FILIP1L: variants seen among roughly 807,000 people sequenced by gnomAD.
The protein encoded by FILIP1L is filamin A interacting protein 1 like.
In FILIP1L, 55 loss-of-function variants were observed where a neutral mutation model predicts 96.6. The ratio of observed to expected loss-of-function variants is 0.57; its 90% CI spans 0.46 to 0.71. The LOEUF is 0.71. Among genes scored for constraint, FILIP1L ranks in the 30% least tolerant of loss-of-function variants. FILIP1L has a pLI of 0.00. For synonymous variants in FILIP1L, 467 were observed against 473.9 expected (o/e 0.99, Z 0.19); for missense variants, 1,304 against 1,321.2 (o/e 0.99, Z 0.20).
At chr3:99,853,931 A>G (rs1302207879) in intron 4 of FILIP1L, among the ~76,000 whole-genome samples, 2 of 152,234 alleles carry the variant, frequency 1.3e-5, no homozygotes, top group Non-Finnish European at 2.9e-5. Context: ...TGAGAGCAGG[A>G]GGCCCTGATG....
intron 1 of FILIP1L, among the ~76,000 whole-genome samples, chr3:100,097,196 C>T (rs2066225050): frequency 6.6e-6 from 1 of 152,216 alleles, no homozygotes. Context: ...ATGAGAAAGA[C>T]TAATTCCAGT....
At chr3:99,909,926 C>G (rs553958868) in intron 4 of FILIP1L, among the ~76,000 whole-genome samples, 3 of 146,240 alleles carry the variant, frequency 2.1e-5, no homozygotes, top group African/African-American at 7.3e-5. Context: ...TCATTGTCAA[C>G]AAGAGCTGTT....
At chr3:100,086,629 A>T (rs970480107) in intron 1 of FILIP1L, among the ~76,000 whole-genome samples, 7 of 152,250 alleles carry the variant, frequency 4.6e-5, no homozygotes, top group African/African-American at 1.7e-4. Context: ...GAATCATTGC[A>T]GCAATTTAGT....
intron 4 of FILIP1L, among the ~76,000 whole-genome samples, chr3:99,853,875 C>T (rs1343828902): frequency 6.6e-6 from 1 of 152,086 alleles, no homozygotes; most frequent in Non-Finnish European, 1.5e-5. Context: ...AAAACTATAC[C>T]CATAGCCATC....
chr3:99,879,278 G>T (rs1008248514), intron 4 of FILIP1L, among the ~76,000 whole-genome samples: 3 of 152,164 alleles, frequency 2.0e-5, no homozygotes, highest in African/African-American at 7.2e-5. Flanking sequence ...ATACCAACTA[G>T]ATTTAGCCAT....
intron 1 of FILIP1L, among the ~76,000 whole-genome samples, chr3:100,098,121 A>G (rs2066242943): frequency 6.6e-6 from 1 of 152,156 alleles, no homozygotes; most frequent in South Asian, 2.1e-4. Flanking sequence ...GTTATTGCCA[A>G]CCCACTGGAG....
intron 5 of FILIP1L, among the ~76,000 whole-genome samples, chr3:99,844,899 T>A (rs1023646781): frequency 6.6e-6 from 1 of 152,222 alleles, no homozygotes; most frequent in Non-Finnish European, 1.5e-5. Flanking sequence ...TTTCTTTGCC[T>A]CCTGCCATGA....
chr3:100,102,922 T>C (rs2066333759), intron 1 of FILIP1L, among the ~76,000 whole-genome samples: 1 of 152,224 alleles, frequency 6.6e-6, no homozygotes, highest in South Asian at 2.1e-4. Context: ...CACTAAGTTC[T>C]GCCAGAGCAT....
chr3:99,991,962 GTATA>G (rs896781734), intron 1 of FILIP1L, among the ~76,000 whole-genome samples: 4 of 147,086 alleles, frequency 2.7e-5, no homozygotes, highest in African/African-American at 1.0e-4. Flanking sequence ...ATATATGTGT[GTATA>G]TATACACACA....
In FILIP1L at chr3:99,983,394, AT is replaced by A. The variant is rs1709193935; in HGVS notation, c.-10-52365del. ...ACTTAAAAAATAAATAAATAAATAT[AT>A]ATATATATATATATATATATATATG... is the stretch of plus-strand genomic sequence containing the variant. On this transcript the variant is annotated intron_variant, in intron 1 of 5. Coordinates refer to ENST00000477258, the MANE Select transcript of FILIP1L (RefSeq NM_001387850.1). 1.7e-3 allele frequency among the ~76,000 whole-genome samples: 141 copies of A among 84,856 alleles called. 1 individual carries two copies. The highest frequency in any genetic ancestry group is 5.4e-3 in the Admixed American group (40 of 7,402). 55.7% of individuals were successfully genotyped at this position (84,856 alleles called of 152,430 possible).
At chr3:100,060,420 A>G (rs6802817) in intron 1 of FILIP1L, among the ~76,000 whole-genome samples, 89,064 of 151,792 alleles carry the variant, frequency 0.59, 26,339 homozygotes, top group East Asian at 0.72. Context: ...CTAGCAAGGT[A>G]GCTTTAAAGT....
chr3:100,077,256 G>A (rs528072869), intron 1 of FILIP1L, among the ~76,000 whole-genome samples: 8 of 152,310 alleles, frequency 5.3e-5, no homozygotes, highest in African/African-American at 1.2e-4. Flanking sequence ...TCTATCTGCC[G>A]TTATCCTGTG....
chr3:100,060,988 T>C (rs1011539781), intron 1 of FILIP1L, among the ~76,000 whole-genome samples: 1 of 152,200 alleles, frequency 6.6e-6, no homozygotes, highest in South Asian at 2.1e-4. Flanking sequence ...CACGAGGTGA[T>C]GAGTTGCAGC....
At chr3:100,070,194 G>A (rs1487158071) in intron 1 of FILIP1L, among the ~76,000 whole-genome samples, 1 of 152,126 alleles carries the variant, frequency 6.6e-6, no homozygotes, top group African/African-American at 2.4e-5. Context: ...CTCCTTTAAT[G>A]TGAGAAACAC....
chr3:99,915,489 T>C (rs185345926), intron 4 of FILIP1L, among the ~76,000 whole-genome samples: 52 of 152,270 alleles, frequency 3.4e-4, no homozygotes, highest in Admixed American at 6.5e-4. Context: ...AGACTTTGGA[T>C]GTACTTAAAA....
At chr3:99,923,547 C>T (rs1039422628) in intron 4 of FILIP1L, among the ~76,000 whole-genome samples, 1 of 152,156 alleles carries the variant, frequency 6.6e-6, no homozygotes, top group African/African-American at 2.4e-5. Context: ...ATTGACTAAA[C>T]ATCATAAGTA....
intron 4 of FILIP1L, among the ~76,000 whole-genome samples, chr3:99,870,634 G>A (rs994294469): frequency 6.6e-6 from 1 of 152,178 alleles, no homozygotes; most frequent in African/African-American, 2.4e-5. Flanking sequence ...TTCATGCCTT[G>A]TGCTTAGCTC....
chr3:100,025,071 C>G (rs1203136756), intron 1 of FILIP1L, among the ~76,000 whole-genome samples: 2 of 152,160 alleles, frequency 1.3e-5, no homozygotes, highest in Non-Finnish European at 1.5e-5. Context: ...TTGAATTCTT[C>G]CTGATAATAA....
chr3:100,037,282 A>G (rs538348315), intron 1 of FILIP1L, among the ~76,000 whole-genome samples: 4 of 152,356 alleles, frequency 2.6e-5, no homozygotes, highest in African/African-American at 9.6e-5. Flanking sequence ...CAGATGGTTT[A>G]GAAAAACAAA....
Sources: gnomAD v4.1 joint callset for allele counts (sites outside exome capture counted in the v4.1 genomes callset) on GRCh38, gnomAD v4.1.1 for gene constraint, MANE v1.5 for transcripts, NCBI Gene and HGNC (gene_info 2026-07-23, HGNC 2026-07-21) for gene names.